Variants in MTNR1A observed in about 807,000 individuals in gnomAD.
The protein encoded by MTNR1A is melatonin receptor 1A, also known as melatonin receptor type 1A.
A neutral mutation model predicts 5.5 loss-of-function variants in MTNR1A; 7 were observed. That is an observed-to-expected ratio of 1.28 (90% CI 0.73 to 2.40). The LOEUF is 2.40. MTNR1A is among the 30% of genes most tolerant of loss of function. MTNR1A has a pLI of 0.00. For synonymous variants in MTNR1A, 196 were observed against 202.7 expected (o/e 0.97, Z 0.28); for missense variants, 441 against 464.4 (o/e 0.95, Z 0.46).
Position 186,545,927 on chromosome 4 carries a change from T to C in MTNR1A, c.184+9255A>G, listed in dbSNP as rs1366004604. 2.6e-5 allele frequency among the ~76,000 whole-genome samples: 4 copies of C among 152,126 alleles called. No individual in the cohort carries two copies. In the South Asian group the frequency reaches 8.3e-4, roughly 31 times the overall value. On this transcript the variant is annotated intron_variant, in intron 1 of 1. Coordinates refer to ENST00000307161, the MANE Select transcript of MTNR1A (RefSeq NM_005958.4). Reference sequence around the variant, plus strand: ...AGGCATCAAAGCACACAGTCCATGTTTTAGATTCTTAAATGTAAAGAGACT... The same window carrying C: ...AGGCATCAAAGCACACAGTCCATGTCTTAGATTCTTAAATGTAAAGAGACT...
intron 1 of MTNR1A, among the ~76,000 whole-genome samples, chr4:186,541,843 T>C (rs1737032186): frequency 2.0e-5 from 3 of 152,124 alleles, no homozygotes. Context: ...GCCAAAAAGG[T>C]TAGGGACCAC....
chr4:186,536,677 C>A (rs916885965), intron 1 of MTNR1A, among the ~76,000 whole-genome samples: 2 of 152,128 alleles, frequency 1.3e-5, no homozygotes, highest in African/African-American at 4.8e-5. Context: ...CCATAGCAGT[C>A]AAGATGAGAG....
At chr4:186,549,410 C>T (rs1305427537) in intron 1 of MTNR1A, among the ~76,000 whole-genome samples, 1 of 152,152 alleles carries the variant, frequency 6.6e-6, no homozygotes, top group Non-Finnish European at 1.5e-5. Flanking sequence ...ATAGTTATGC[C>T]GTGTCTCTAC....
At chr4:186,546,530 G>A (rs771774299) in intron 1 of MTNR1A, among the ~76,000 whole-genome samples, 2 of 151,986 alleles carry the variant, frequency 1.3e-5, no homozygotes, top group Non-Finnish European at 2.9e-5. Flanking sequence ...CATGTGACAC[G>A]CCATCCACAT....
Position 186,551,669 on chromosome 4 carries a change from T to C in MTNR1A, c.184+3513A>G, listed in dbSNP as rs149982127. ...TGATAGGCAGAATCTAAGTTTATCC[T>C]TCTAGTATCCCTGTAAGAAAAGTGG... is the stretch of plus-strand genomic sequence containing the variant. On this transcript the variant is annotated intron_variant, in intron 1 of 1. Transcript: ENST00000307161. 2.0e-3 allele frequency among the ~76,000 whole-genome samples: 302 copies of C among 152,160 alleles called. 2 individuals are homozygous for C. The East Asian group carries it at 0.021, about 11-fold the overall frequency.
chr4:186,548,749 C>CA (rs1245156602), intron 1 of MTNR1A, among the ~76,000 whole-genome samples: 6 of 139,840 alleles, frequency 4.3e-5, no homozygotes, highest in African/African-American at 1.1e-4. Context: ...GGACACATCC[C>CA]AAAAAAAATG....
At chr4:186,551,414 T>C (rs1737264651) in intron 1 of MTNR1A, among the ~76,000 whole-genome samples, 2 of 142,140 alleles carry the variant, frequency 1.4e-5, no homozygotes, top group Non-Finnish European at 3.0e-5. Context: ...TGTCTACTTG[T>C]TTTTTTTTTT....
chr4:186,552,546 A>C (rs1737285635), intron 1 of MTNR1A, among the ~76,000 whole-genome samples: 1 of 152,246 alleles, frequency 6.6e-6, no homozygotes, highest in African/African-American at 2.4e-5. Flanking sequence ...TCCAGCAAAC[A>C]GAGCACGCCC....
chr4:186,545,171 A>G (rs1737115548), intron 1 of MTNR1A, among the ~76,000 whole-genome samples: 1 of 152,146 alleles, frequency 6.6e-6, no homozygotes, highest in Admixed American at 6.5e-5. Context: ...AACCTGAAAT[A>G]GACCTTCAGC....
At chr4:186,546,808 A>C (rs1737157869) in intron 1 of MTNR1A, among the ~76,000 whole-genome samples, 3 of 149,044 alleles carry the variant, frequency 2.0e-5, no homozygotes, top group African/African-American at 7.6e-5. Context: ...CACCGTCCAC[A>C]CCACACCCTG....
intron 1 of MTNR1A, among the ~76,000 whole-genome samples, chr4:186,548,693 G>A (rs73024720): frequency 0.012 from 1,787 of 151,170 alleles, 34 homozygotes; most frequent in African/African-American, 0.041. Flanking sequence ...GGCAAAGCCC[G>A]GGTTTTACTC....
intron 1 of MTNR1A, among the ~76,000 whole-genome samples, chr4:186,548,810 G>GATAGATATAT (rs1737206563): frequency 1.8e-5 from 1 of 54,592 alleles, no homozygotes; most frequent in African/African-American, 6.4e-5. Flanking sequence ...AATCTATAAA[G>GATAGATATAT]ATATATATAT....
intron 1 of MTNR1A, among the ~76,000 whole-genome samples, chr4:186,548,810 GATATATATATAT>G (rs71595106): frequency 1.3e-4 from 7 of 54,590 alleles, no homozygotes; most frequent in African/African-American, 3.9e-4. Context: ...AATCTATAAA[GATATATATATAT>G]ATATATATAT....
At chr4:186,542,169 C>T (rs958640256) in intron 1 of MTNR1A, among the ~76,000 whole-genome samples, 2 of 152,180 alleles carry the variant, frequency 1.3e-5, no homozygotes, top group Non-Finnish European at 2.9e-5. Context: ...GTGGAGATAA[C>T]ACCAGCGGAG....
At chr4:186,541,665 A>G (rs1055597230) in intron 1 of MTNR1A, among the ~76,000 whole-genome samples, 11 of 152,184 alleles carry the variant, frequency 7.2e-5, no homozygotes, top group African/African-American at 2.7e-4. Context: ...TCACATTCTC[A>G]TAGGAGTGCA....
At chr4:186,552,263 T>C (rs1737279940) in intron 1 of MTNR1A, among the ~76,000 whole-genome samples, 2 of 152,200 alleles carry the variant, frequency 1.3e-5, no homozygotes, top group South Asian at 4.1e-4. Context: ...TTCCTCCTAA[T>C]TTCCTGCTCA....
chr4:186,544,170 G>C (rs568944367), intron 1 of MTNR1A, among the ~76,000 whole-genome samples: 1 of 152,018 alleles, frequency 6.6e-6, no homozygotes, highest in Non-Finnish European at 1.5e-5. Flanking sequence ...ACAGGTGCAC[G>C]CCACCATGCC....
In MTNR1A at chr4:186,550,523, T is replaced by C. The variant is rs1358076641; in HGVS notation, c.184+4659A>G. On this transcript the variant is annotated intron_variant, in intron 1 of 1. Coordinates refer to ENST00000307161, the MANE Select transcript of MTNR1A (RefSeq NM_005958.4). ...TGGGCAGAATGAGCTCCAAAGACTCTGTGGAGATTTAAAGTGACTTCCAAG... is the reference window on the plus strand; with the variant it reads ...TGGGCAGAATGAGCTCCAAAGACTCCGTGGAGATTTAAAGTGACTTCCAAG... Among the ~76,000 whole-genome samples, 3 of 152,332 alleles carry C rather than the reference T, an allele frequency of 2.0e-5. No individual in the cohort carries two copies. The South Asian group carries it at 6.2e-4, about 32-fold the overall frequency.
chr4:186,555,048 C>T lies in MTNR1A; in HGVS notation c.184+134G>A. ...TTCAACGGGCAGGCTGGAGAAGAGT[C>T]CTCTCTAACAGGAAAAATAACTCCA... On this transcript the variant is annotated intron_variant, in intron 1 of 1. Coordinates refer to ENST00000307161, the MANE Select transcript of MTNR1A (RefSeq NM_005958.4). This position sits in a 1 kb window ranked among gnomAD's most constrained non-coding sequence, Gnocchi z 4.1. 1 of 1,034,246 alleles carries T rather than the reference C, an allele frequency of 9.7e-7. No homozygotes were observed. Among genetic ancestry groups the T allele is most frequent in the Non-Finnish European group, 1.5e-6 (1 of 687,706 alleles). 64.1% of individuals were successfully genotyped at this position (1,034,246 alleles called of 1,614,324 possible).
Sources: allele counts gnomAD v4.1 joint callset (sites outside exome capture counted in the v4.1 genomes callset), GRCh38; gene constraint gnomAD v4.1.1; non-coding constraint Gnocchi (gnomAD v3.1); transcripts MANE v1.5; gene names NCBI Gene and HGNC (gene_info 2026-07-23, HGNC 2026-07-21).